NRG1: variants seen among roughly 807,000 people sequenced by gnomAD.
NRG1 encodes pro-neuregulin-1, membrane-bound isoform.
NRG1 carries 18 observed loss-of-function variants against 63.8 expected under a neutral mutation model. The observed-to-expected ratio is 0.28, with a 90% confidence interval of 0.19 to 0.42. The LOEUF (loss-of-function observed/expected upper bound fraction) is 0.42. NRG1 is among the 10% of genes least tolerant of loss of function. The pLI, the probability that NRG1 is intolerant of heterozygous loss-of-function variation, is 1.00. For synonymous variants in NRG1, 302 were observed against 301.3 expected (o/e 1.00, Z -0.02); for missense variants, 762 against 814.7 (o/e 0.94, Z 0.79).
At chr8:32,235,813 T>C (rs907802889) in intron 1 of NRG1, among the ~76,000 whole-genome samples, 1 of 152,162 alleles carries the variant, frequency 6.6e-6, no homozygotes, top group Non-Finnish European at 1.5e-5. Context: ...CAAAAAAATC[T>C]GTTTAGGGCC....
intron 1 of NRG1, among the ~76,000 whole-genome samples, chr8:31,865,565 C>T (rs1347488243): frequency 6.6e-6 from 1 of 152,030 alleles, no homozygotes; most frequent in Non-Finnish European, 1.5e-5. Context: ...CCATGCTGTT[C>T]TTGTGATAGT....
At chr8:31,952,461 T>C (rs1803629527) in intron 1 of NRG1, among the ~76,000 whole-genome samples, 2 of 152,156 alleles carry the variant, frequency 1.3e-5, no homozygotes, top group Admixed American at 6.5e-5. Flanking sequence ...GGGAGCAGAG[T>C]ATGTCTAACA....
chr8:32,577,632 A>G (rs1437455748), intron 1 of NRG1, among the ~76,000 whole-genome samples: 1 of 152,256 alleles, frequency 6.6e-6, no homozygotes, highest in Non-Finnish European at 1.5e-5. Context: ...AAAAACTAGC[A>G]TAGTTATGGC....
At chr8:31,989,354 A>T (rs914489910) in intron 1 of NRG1, among the ~76,000 whole-genome samples, 1 of 151,330 alleles carries the variant, frequency 6.6e-6, no homozygotes, top group Non-Finnish European at 1.5e-5. Context: ...GGAACATCAC[A>T]TTCCAAATGC....
At chr8:31,793,285 G>C (rs987639929) in intron 1 of NRG1, among the ~76,000 whole-genome samples, 1 of 152,160 alleles carries the variant, frequency 6.6e-6, no homozygotes, top group African/African-American at 2.4e-5. Context: ...GAGCTCTGCT[G>C]CACAGTTTTA....
chr8:32,679,075 T>C (rs1169177870), intron 5 of NRG1, among the ~76,000 whole-genome samples: 1 of 151,920 alleles, frequency 6.6e-6, no homozygotes, highest in African/African-American at 2.4e-5. Context: ...GAGGATCGCT[T>C]GAGTCCAGGA....
intron 1 of NRG1, among the ~76,000 whole-genome samples, chr8:32,125,691 A>G (rs1193011872): frequency 2.0e-5 from 3 of 151,728 alleles, no homozygotes; most frequent in Non-Finnish European, 4.4e-5. Flanking sequence ...GGACTTTCCC[A>G]CCCACTCCAT....
In NRG1 at chr8:32,153,941, C is replaced by T. The variant is rs188308592; in HGVS notation, c.38-441887C>T. ...CTGACTATTGAGCTTCCCGATAAGA[C>T]AACATGATGGAAACTACATGGTTTC... On this transcript the variant is annotated intron_variant, in intron 1 of 10. Transcript: ENST00000519301. Among the ~76,000 whole-genome samples, 8 of 152,286 alleles carry T rather than the reference C, an allele frequency of 5.3e-5. No homozygotes were observed. In the East Asian group the frequency reaches 1.5e-3, roughly 29 times the overall value.
intron 5 of NRG1, among the ~76,000 whole-genome samples, chr8:32,694,334 G>A (rs1351720600): frequency 1.3e-5 from 2 of 152,162 alleles, no homozygotes; most frequent in East Asian, 1.9e-4. Context: ...CCATAGATAA[G>A]TGTTCCAATT....
intron 1 of NRG1, among the ~76,000 whole-genome samples, chr8:31,862,819 A>G (rs939509638): frequency 2.6e-5 from 4 of 152,224 alleles, no homozygotes. Context: ...AGGGAAAAAC[A>G]GAAAAAGTCC....
intron 1 of NRG1, among the ~76,000 whole-genome samples, chr8:31,873,343 G>A (rs1388189373): frequency 6.6e-6 from 1 of 152,096 alleles, no homozygotes; most frequent in Non-Finnish European, 1.5e-5. Flanking sequence ...GGTGGATCAC[G>A]AGGTCAGGAG....
At chr8:32,410,714 T>A (rs1814796772) in intron 1 of NRG1, among the ~76,000 whole-genome samples, 2 of 152,144 alleles carry the variant, frequency 1.3e-5, no homozygotes, top group Admixed American at 1.3e-4. Flanking sequence ...TCCCCTCATC[T>A]GCCCACCTGA....
chr8:31,732,570 A>G (rs1477698755), intron 1 of NRG1, among the ~76,000 whole-genome samples: 2 of 152,124 alleles, frequency 1.3e-5, no homozygotes, highest in Non-Finnish European at 2.9e-5. Flanking sequence ...CATTAAAGTC[A>G]GGACTTTTAG....
intron 1 of NRG1, among the ~76,000 whole-genome samples, chr8:31,879,099 A>G (rs1352939735): frequency 2.0e-5 from 3 of 152,158 alleles, no homozygotes; most frequent in Non-Finnish European, 4.4e-5. Context: ...ACATGTACTC[A>G]AGGGGCACGC....
intron 1 of NRG1, among the ~76,000 whole-genome samples, chr8:32,366,677 G>GTGTGTATATA (rs1164696498): frequency 1.0e-3 from 88 of 87,418 alleles, no homozygotes; most frequent in East Asian, 1.8e-3. Context: ...GTGTGTGTGT[G>GTGTGTATATA]TATATATATA....
At chr8:32,738,986 GA>G (rs1825745720) in intron 6 of NRG1, among the ~76,000 whole-genome samples, 1 of 152,184 alleles carries the variant, frequency 6.6e-6, no homozygotes, top group Non-Finnish European at 1.5e-5. Flanking sequence ...AATGCATTCA[GA>G]AGAAATGATG....
Position 32,175,360 on chromosome 8 carries a change from C to A in NRG1, c.38-420468C>A, listed in dbSNP as rs550867607. On this transcript the variant is annotated intron_variant, in intron 1 of 10. Transcript: ENST00000519301. ...AATAATAAGAACTATCTATGACAAA[C>A]CCATAGCCAATATCATACTGAATGG... is the stretch of plus-strand genomic sequence containing the variant. Among the ~76,000 whole-genome samples the A allele has an allele frequency of 3.3e-5, 5 of 152,270 alleles. No homozygotes were observed. In the South Asian group the frequency reaches 1.0e-3, roughly 32 times the overall value.
intron 5 of NRG1, among the ~76,000 whole-genome samples, chr8:32,690,825 A>G (rs1033751450): frequency 6.6e-6 from 1 of 152,016 alleles, no homozygotes; most frequent in Admixed American, 6.6e-5. Context: ...AGAATTAGAA[A>G]TTTAAGGTGA....
At chr8:32,384,823 T>C (rs1350540519) in intron 1 of NRG1, among the ~76,000 whole-genome samples, 1 of 152,152 alleles carries the variant, frequency 6.6e-6, no homozygotes, top group Non-Finnish European at 1.5e-5. Context: ...AGTAACTTAG[T>C]GAGATTTCAA....
Sources: allele counts gnomAD v4.1 joint callset (sites outside exome capture counted in the v4.1 genomes callset), GRCh38; gene constraint gnomAD v4.1.1; transcripts MANE v1.5; gene names NCBI Gene and HGNC (gene_info 2026-07-23, HGNC 2026-07-21).